Variants in PUM1 observed in about 807,000 individuals in gnomAD.
PUM1 encodes pumilio RNA binding family member 1.
Under a neutral mutation model 131.8 loss-of-function variants are expected in PUM1, and 13 were observed. The ratio of observed to expected loss-of-function variants is 0.10; its 90% CI spans 0.06 to 0.16. The LOEUF is 0.16. Ranked by LOEUF, PUM1 falls within the 10% of genes least tolerant of loss-of-function variation. PUM1 has a pLI of 1.00. For synonymous variants in PUM1, 509 were observed against 556.5 expected, an observed-to-expected ratio of 0.91 and a Z score of 1.20; for missense variants, 961 against 1,512.4, an observed-to-expected ratio of 0.64 and a Z score of 6.05.
At chr1:31,043,157 C>G (rs1643873559) in intron 2 of PUM1, among the ~76,000 whole-genome samples, 2 of 152,140 alleles carry the variant, frequency 1.3e-5, no homozygotes, top group Admixed American at 6.6e-5. Flanking sequence ...TTTGGGACAA[C>G]TGGGTGGGGG....
At chr1:30,966,991 A>G in intron 12 of PUM1, 176 bp downstream of exon 12, 1 of 705,430 alleles carries the variant, frequency 1.4e-6, no homozygotes, top group Non-Finnish European at 2.1e-6. Context: ...CAACCCCCCA[A>G]CAAAAAGGAG....
At chr1:30,995,790 T>C (rs1641962068) in intron 5 of PUM1, among the ~76,000 whole-genome samples, 1 of 152,214 alleles carries the variant, frequency 6.6e-6, no homozygotes, top group African/African-American at 2.4e-5. Context: ...CCCTGTCAAT[T>C]TGCATCACCT....
intron 14 of PUM1, among the ~76,000 whole-genome samples, chr1:30,963,210 T>C (rs1472310204): frequency 6.6e-6 from 1 of 152,154 alleles, no homozygotes; most frequent in South Asian, 2.1e-4. Context: ...TCAGTGAACA[T>C]TACTTCCTTC....
chr1:31,035,496 A>T (rs1187207248), intron 2 of PUM1, among the ~76,000 whole-genome samples: 1 of 152,172 alleles, frequency 6.6e-6, no homozygotes, highest in African/African-American at 2.4e-5. Context: ...TCACACCTAT[A>T]ATCCCAGCAC....
chr1:31,057,674 G>A lies in PUM1; in HGVS notation c.363+1530C>T, dbSNP rs534865483. On this transcript the variant is annotated intron_variant, in intron 2 of 21. Transcript: ENST00000426105. ...TGGGAGGGGGAGGTTGCAGTGAGCC[G>A]AGATTGTGCCACTGCACTCCAGCCT... Among the ~76,000 whole-genome samples the A allele has an allele frequency of 8.5e-4, 115 of 134,908 alleles. No homozygotes were observed. The South Asian group carries it at 0.016, about 19-fold the overall frequency. The allele number at this position is 134,908 out of a possible 152,430, so 88.5% of individuals were successfully genotyped here. A position where few individuals can be genotyped will look rare whatever the true frequency, so the allele number is the denominator to read the frequency against.
At chr1:31,050,889 C>G in intron 2 of PUM1, 1 of 254,382 alleles carries the variant, frequency 3.9e-6, no homozygotes. Context: ...ACCAGCAGCT[C>G]TACTGGAGCC....
At chr1:30,949,820 A>G (rs1639853790) in intron 17 of PUM1, among the ~76,000 whole-genome samples, 1 of 152,162 alleles carries the variant, frequency 6.6e-6, no homozygotes, top group Non-Finnish European at 1.5e-5. Flanking sequence ...GGAGAAAATG[A>G]TGGCTTATTA....
At chr1:30,978,540 C>T (rs1444134445) in intron 9 of PUM1, among the ~76,000 whole-genome samples, 1 of 152,144 alleles carries the variant, frequency 6.6e-6, no homozygotes, top group African/African-American at 2.4e-5. Context: ...CTAAGAAATG[C>T]TAGGCTACAT....
At chr1:30,933,428 T>TCACACACATACA (rs1297435657) in intron 21 of PUM1, 86 bp from the exon 22 acceptor site, 2 of 950,650 alleles carry the variant, frequency 2.1e-6, no homozygotes, top group East Asian at 7.0e-5. Context: ...ATGTCATGCA[T>TCACACACATACA]CACACACACA....
rs757609708 is a variant in PUM1, at chr1:30,949,135, T to C, written c.2856+992A>G. 17 of 439,844 alleles carry C rather than the reference T, an allele frequency of 3.9e-5. No homozygotes were observed. In the Admixed American group the frequency reaches 4.2e-4, roughly 11 times the overall value. 27.2% of individuals were successfully genotyped at this position (439,844 alleles called of 1,614,324 possible). A position where few individuals can be genotyped will look rare whatever the true frequency, so the allele number is the denominator to read the frequency against. On this transcript the variant is annotated intron_variant, in intron 17 of 21. Transcript: ENST00000426105. ...TGTCTTGTCTGGCTCAGAACTTGAG[T>C]CCATTAACAAAGATTCTCATTACCG...
intron 10 of PUM1, among the ~76,000 whole-genome samples, chr1:30,972,273 G>A (rs1487861242): frequency 1.0e-3 from 1 of 986 alleles, no homozygotes; most frequent in African/African-American, 0.016. Context: ...GAAAAGAAGG[G>A]AAGGGAAGGG....
intron 7 of PUM1, among the ~76,000 whole-genome samples, chr1:30,990,515 A>G (rs559310932): frequency 6.6e-6 from 1 of 152,316 alleles, no homozygotes; most frequent in Non-Finnish European, 1.5e-5. Context: ...ATAAGGGATA[A>G]AATGTAAGAA....
rs775846994 is a variant in PUM1 at position 30,941,199 on chromosome 1, G to C, written c.3194C>G (p.Ala1065Gly). The change falls in exon 20 of 22, where the codon GCA becomes GGA. Residue 1065 changes from alanine (A) to glycine (G), a missense_variant. Physicochemically the swap from Ala to Gly is moderately conservative, Grantham distance 60. Transcript: ENST00000426105. The stretch of plus-strand genomic sequence containing the variant: ...TACAAGTACATTGCCTCGGATTTCT[G>C]CTACAATTTTGCTTTTATCCTCAGG... ...GRPEDKSKIVAEIRGNVLVLS... is the reference protein window; with the variant it reads ...GRPEDKSKIVGEIRGNVLVLS... 18 of 1,613,638 alleles carry C rather than the reference G, an allele frequency of 1.1e-5. No individual in the cohort carries two copies. The East Asian group carries it at 4.0e-4, about 36-fold the overall frequency.
intron 8 of PUM1, among the ~76,000 whole-genome samples, chr1:30,981,095 G>A (rs1410318175): frequency 6.6e-6 from 1 of 152,176 alleles, no homozygotes; most frequent in African/African-American, 2.4e-5. Context: ...TAGGGCAATG[G>A]CTGAACACTG....
At chr1:30,971,521 A>G (rs1640871274) in intron 10 of PUM1, among the ~76,000 whole-genome samples, 3 of 152,222 alleles carry the variant, frequency 2.0e-5, no homozygotes, top group African/African-American at 7.2e-5. Flanking sequence ...AACTTGCCCT[A>G]GTTGTAAGCT....
intron 3 of PUM1, among the ~76,000 whole-genome samples, chr1:31,016,323 T>C (rs1024548620): frequency 1.1e-4 from 17 of 152,146 alleles, no homozygotes; most frequent in Non-Finnish European, 1.6e-4. Context: ...ATTTTGAAAA[T>C]TGTTGCTTAA....
chr1:30,951,896 G>A (rs1226012732), intron 16 of PUM1, among the ~76,000 whole-genome samples: 1 of 152,176 alleles, frequency 6.6e-6, no homozygotes, highest in Non-Finnish European at 1.5e-5. Context: ...TTGTGATCCT[G>A]CTAAAACTAC....
At chr1:31,006,309 G>T (rs1229408503) in intron 4 of PUM1, among the ~76,000 whole-genome samples, 2 of 152,092 alleles carry the variant, frequency 1.3e-5, no homozygotes, top group Admixed American at 1.3e-4. Context: ...ATAAGTAAAA[G>T]GATTTCTTTT....
In PUM1 at chr1:31,014,790, GA is replaced by G. The variant is rs758812891; in HGVS notation, c.433-7689del. Among the ~76,000 whole-genome samples the G allele has an allele frequency of 9.1e-3, 1,202 of 132,476 alleles. 13 individuals are homozygous for G. The highest frequency in any genetic ancestry group is 0.028 in the African/African-American group (1,013 of 36,766). 86.9% of individuals were successfully genotyped at this position (132,476 alleles called of 152,430 possible). On this transcript the variant is annotated intron_variant, in intron 3 of 21. Coordinates refer to ENST00000426105, the MANE Select transcript of PUM1 (RefSeq NM_001020658.2). Reference sequence around the variant, plus strand: ...GGCGACAGAGCAAGACTGTGTCTCAGAAAAAAAAAAAAAAGTTGAAAGCAAA... The same window carrying G: ...GGCGACAGAGCAAGACTGTGTCTCAGAAAAAAAAAAAAAGTTGAAAGCAAA...
Sources: allele counts gnomAD v4.1 joint callset (sites outside exome capture counted in the v4.1 genomes callset), GRCh38; gene constraint gnomAD v4.1.1; transcripts MANE v1.5; gene names NCBI Gene and HGNC (gene_info 2026-07-23, HGNC 2026-07-21).